BCR: variants seen among roughly 807,000 people sequenced by gnomAD.
The protein encoded by BCR is breakpoint cluster region protein.
A neutral mutation model predicts 138.6 loss-of-function variants in BCR; 58 were observed. The observed-to-expected ratio is 0.42, with a 90% CI of 0.34 to 0.52. The LOEUF (loss-of-function observed/expected upper bound fraction) is 0.52, where lower values mean the gene tolerates loss of function less well. BCR is among the 20% of genes least tolerant of loss of function. The probability of loss-of-function intolerance (pLI) is 0.06; values close to 1 mark genes in which losing one functional copy is unlikely to be tolerated. For synonymous variants in BCR, 786 were observed against 730.1 expected (o/e 1.08, Z -1.23); for missense variants, 1,599 against 1,727.2 (o/e 0.93, Z 1.32).
intron 1 of BCR, among the ~76,000 whole-genome samples, chr22:23,243,632 G>A (rs1242933842): frequency 6.6e-6 from 1 of 151,046 alleles, no homozygotes; most frequent in African/African-American, 2.4e-5. Context: ...CCCGAATTCT[G>A]TGAGCTGTTC....
chr22:23,207,794 A>G (rs112952076), intron 1 of BCR, among the ~76,000 whole-genome samples: 10,325 of 152,156 alleles, frequency 0.068, 1,173 homozygotes, highest in African/African-American at 0.23. Context: ...GAGACCAGCT[A>G]GTGATGATGT....
At chr22:23,193,563 G>C (rs12169816) in intron 1 of BCR, among the ~76,000 whole-genome samples, 6,241 of 152,300 alleles carry the variant, frequency 0.041, 474 homozygotes, top group African/African-American at 0.14. Context: ...TATGAGCTCC[G>C]GGGGGACCCT....
chr22:23,265,073 AAC>A (rs1568962718), intron 4 of BCR: 2 of 152,206 alleles, frequency 1.3e-5, no homozygotes, highest in African/African-American at 4.8e-5. Flanking sequence ...GGGGGAAAAA[AAC>A]ACACATCCAG....
chr22:23,210,422 GAAAA>G (rs1050301471), intron 1 of BCR, among the ~76,000 whole-genome samples: 1 of 101,824 alleles, frequency 9.8e-6, no homozygotes, highest in Non-Finnish European at 2.2e-5. Flanking sequence ...GTCTCAAAAA[GAAAA>G]AAAAAAAAAA....
At chr22:23,312,352 G>GGC (rs1466996899) in intron 19 of BCR, 2 of 180,702 alleles carry the variant, frequency 1.1e-5, no homozygotes, top group Admixed American at 5.4e-5. Flanking sequence ...CCTTCTTTGG[G>GGC]GCACACACCA....
Position 23,295,342 on chromosome 22 carries a change from A to G in BCR, c.3012+187A>G, listed in dbSNP as rs114442341. Among the ~76,000 whole-genome samples the G allele has an allele frequency of 5.0e-3, 760 of 152,228 alleles. 11 individuals carry two copies. Among genetic ancestry groups the G allele is most frequent in the African/African-American group, 0.018 (735 of 41,548 alleles). On this transcript the variant is annotated intron_variant, in intron 16 of 22. Coordinates refer to ENST00000305877, the MANE Select transcript of BCR (RefSeq NM_004327.4). Reference sequence around the variant, plus strand: ...CATGTATCTTGATGGGTCTTGACGTACCACCCTCTGTCTGCGTGTCTGTTG... The same window carrying G: ...CATGTATCTTGATGGGTCTTGACGTGCCACCCTCTGTCTGCGTGTCTGTTG...
At chr22:23,268,172 C>T (rs1041285138) in intron 4 of BCR, among the ~76,000 whole-genome samples, 1 of 152,200 alleles carries the variant, frequency 6.6e-6, no homozygotes, top group African/African-American at 2.4e-5. Context: ...GAACTGTTAC[C>T]TGCCTGGCGC....
At chr22:23,275,929 G>A (rs1273128137) in intron 8 of BCR, among the ~76,000 whole-genome samples, 1 of 152,180 alleles carries the variant, frequency 6.6e-6, no homozygotes, top group Non-Finnish European at 1.5e-5. Context: ...ACAAGGAAGG[G>A]CCTTCTCAGT....
At chr22:23,200,652 A>G (rs1465315361) in intron 1 of BCR, among the ~76,000 whole-genome samples, 1 of 152,050 alleles carries the variant, frequency 6.6e-6, no homozygotes, top group African/African-American at 2.4e-5. Flanking sequence ...TGACCTCTCC[A>G]GGCTCAGGCG....
rs1225807093 is a variant in BCR at position 23,253,928 on chromosome 22, G to A, written c.1409G>A (p.Gly470Asp). The A allele has an allele frequency of 1.2e-6, 2 of 1,613,150 alleles. No individual in the cohort carries two copies. The highest frequency in any genetic ancestry group is 1.7e-6 in the Non-Finnish European group (2 of 1,179,974). ...TCATCGCCCCACCTCAGCAGCAAGG[G>A]CAGGGGCAGCCGGGATGCGCTGGTC... Reference protein sequence around the residue: ...PSSSPHLSSKGRGSRDALVSG... With the variant: ...PSSSPHLSSKDRGSRDALVSG... Residue 470 changes from glycine to aspartate, a missense_variant, in exon 2 of 23, where the codon GGC becomes GAC. Physicochemically the swap from Gly to Asp is moderately conservative, Grantham distance 94 (BLOSUM62 -1). Around this residue, in one of 4 missense-constraint regions of BCR, gnomAD observed 590 missense variants for 762.4 expected, o/e 0.77. Coordinates refer to ENST00000305877, the MANE Select transcript of BCR (RefSeq NM_004327.4).
At chr22:23,189,459 G>A (rs1044872105) in intron 1 of BCR, among the ~76,000 whole-genome samples, 11 of 152,084 alleles carry the variant, frequency 7.2e-5, no homozygotes, top group Admixed American at 2.6e-4. Context: ...GCAGGGCTTT[G>A]AAGTTCCCCA....
chr22:23,304,288 GTCTTTA>G (rs1157732539), intron 16 of BCR, among the ~76,000 whole-genome samples: 1 of 151,724 alleles, frequency 6.6e-6, no homozygotes, highest in Non-Finnish European at 1.5e-5. Flanking sequence ...TCTGCTTTTT[GTCTTTA>G]GAGATTTGCC....
At chr22:23,275,814 C>T (rs927847655) in intron 8 of BCR, among the ~76,000 whole-genome samples, 3 of 152,200 alleles carry the variant, frequency 2.0e-5, no homozygotes, top group African/African-American at 4.8e-5. Context: ...CTTTTATGAG[C>T]GCTCTGACCT....
intron 4 of BCR, among the ~76,000 whole-genome samples, chr22:23,267,622 T>C (rs1323822480): frequency 6.6e-6 from 1 of 152,240 alleles, no homozygotes; most frequent in Non-Finnish European, 1.5e-5. Flanking sequence ...GTGCATCTCC[T>C]GGGTCTGCCC....
At chr22:23,193,644 G>C (rs2072442354) in intron 1 of BCR, among the ~76,000 whole-genome samples, 1 of 152,232 alleles carries the variant, frequency 6.6e-6, no homozygotes, top group Non-Finnish European at 1.5e-5. Context: ...CATTTTGAAG[G>C]TTATGCAATG....
intron 1 of BCR, among the ~76,000 whole-genome samples, chr22:23,228,360 G>T (rs2146240359): frequency 6.6e-6 from 1 of 152,204 alleles, no homozygotes; most frequent in East Asian, 1.9e-4. Flanking sequence ...TCATTTAGTA[G>T]TGTTTAATAG....
chr22:23,237,559 C>T (rs1273024475), intron 1 of BCR, among the ~76,000 whole-genome samples: 3 of 152,260 alleles, frequency 2.0e-5, no homozygotes, highest in African/African-American at 7.2e-5. Flanking sequence ...TTTTCTGGCT[C>T]GTTCCTCAGC....
intron 1 of BCR, among the ~76,000 whole-genome samples, chr22:23,204,819 G>A (rs1056612923): frequency 3.9e-5 from 6 of 152,206 alleles, no homozygotes; most frequent in African/African-American, 1.2e-4. Flanking sequence ...GGAGACGGCA[G>A]CATGGGGGTG....
In BCR at chr22:23,225,206, T is replaced by C. The variant is rs34281555; in HGVS notation, c.1280-28593T>C. ...GTCTGTGGTGCTTTTTTTTTTTTTT[T>C]CCTGTGCCTTGATTCTTCCATTTAA... On this transcript the variant is annotated intron_variant, in intron 1 of 22. Coordinates refer to ENST00000305877, the MANE Select transcript of BCR (RefSeq NM_004327.4). Among the ~76,000 whole-genome samples the C allele has an allele frequency of 3.7e-3, 546 of 149,500 alleles. 7 individuals are homozygous for C. The highest frequency in any genetic ancestry group is 0.013 in the African/African-American group (515 of 40,532).
Sources: allele counts gnomAD v4.1 joint callset (sites outside exome capture counted in the v4.1 genomes callset), GRCh38; gene constraint gnomAD v4.1.1; regional missense constraint gnomAD v4.1.1; transcripts MANE v1.5; gene names NCBI Gene and HGNC (gene_info 2026-07-23, HGNC 2026-07-21).